Variants in ALPK3 observed in about 807,000 individuals in gnomAD.
ALPK3 encodes the protein alpha-protein kinase 3.
Under a neutral mutation model 140.0 loss-of-function variants are expected in ALPK3, and 102 were observed. The observed-to-expected ratio is 0.73, with a 90% CI of 0.62 to 0.86. The LOEUF (loss-of-function observed/expected upper bound fraction) is 0.86. Among genes scored for constraint, ALPK3 ranks in the 40% least tolerant of loss-of-function variants. The pLI is 0.00. For missense variants in ALPK3, 2,254 were observed against 2,208.2 expected, an observed-to-expected ratio of 1.02 and a Z score of -0.42; for synonymous variants, 938 against 898.5, an observed-to-expected ratio of 1.04 and a Z score of -0.79.
chr15:84,829,577 G>T (rs1409441993), intron 3 of ALPK3, among the ~76,000 whole-genome samples: 1 of 152,176 alleles, frequency 6.6e-6, no homozygotes, highest in Non-Finnish European at 1.5e-5. Context: ...AGGAAGCGGT[G>T]TTGCTCCTAA....
chr15:84,857,411 C>G lies in ALPK3; in HGVS notation c.2673C>G (p.His891Gln). The G allele has an allele frequency of 6.2e-7, 1 of 1,614,090 alleles. No individual in the cohort carries two copies. The highest frequency in any genetic ancestry group is 8.5e-7 in the Non-Finnish European group (1 of 1,180,030). ...CGTGTAGCACCCCGACTTCTCAGCACGGGAGCACAGCCACCTTCCTGCCCT... is the reference window on the plus strand; with the variant it reads ...CGTGTAGCACCCCGACTTCTCAGCAGGGGAGCACAGCCACCTTCCTGCCCT... ...AGPCSTPTSQ[H>Q]GSTATFLPSE... Residue 891 changes from histidine (H) to glutamine (Q), a missense_variant, in exon 6 of 14, where the codon CAC (histidine) becomes CAG (glutamine). By Grantham distance (24) the His-to-Gln change is conservative. Around this residue, in one of 3 missense-constraint regions of ALPK3, gnomAD observed 2,088 missense variants for 2,022.9 expected, o/e 1.03. Transcript: ENST00000258888.
chr15:84,838,702 C>G (rs891844632), intron 3 of ALPK3, among the ~76,000 whole-genome samples: 3 of 151,186 alleles, frequency 2.0e-5, no homozygotes, highest in Admixed American at 2.0e-4. Flanking sequence ...TCACTGCAAC[C>G]TCGGACTCCT....
chr15:84,863,782 T>C (rs1963974862), intron 11 of ALPK3, 142 bp downstream of exon 11: 1 of 758,036 alleles, frequency 1.3e-6, no homozygotes, highest in Non-Finnish European at 2.0e-6. Flanking sequence ...CTCAGCTCAG[T>C]GGCCTCACAA....
At chr15:84,827,154 A>C (rs938509699) in intron 2 of ALPK3, among the ~76,000 whole-genome samples, 3 of 152,132 alleles carry the variant, frequency 2.0e-5, no homozygotes, top group Non-Finnish European at 4.4e-5. Context: ...GTCCCTGGAG[A>C]TGAAAGGTGC....
intron 12 of ALPK3, among the ~76,000 whole-genome samples, chr15:84,864,891 G>C (rs1290002150): frequency 2.6e-5 from 4 of 152,106 alleles, no homozygotes; most frequent in Non-Finnish European, 5.9e-5. Flanking sequence ...GCATTTAAAG[G>C]AGCACAGTCC....
chr15:84,818,534 G>T (rs1963387154), intron 1 of ALPK3, among the ~76,000 whole-genome samples: 1 of 152,210 alleles, frequency 6.6e-6, no homozygotes, highest in African/African-American at 2.4e-5. Context: ...CTGAGAACTT[G>T]ACTTGTGTAT....
At position 84,873,226 on chromosome 15, in the gene ALPK3, G is replaced by A. The variant is rs984320317; in HGVS notation, c.*4770G>A. On this transcript the variant is annotated 3_prime_UTR_variant, in exon 14 of 14. Coordinates refer to ENST00000258888, the MANE Select transcript of ALPK3 (RefSeq NM_020778.5). ...ATCTTCTGGGTCCTGCCAGAGGGCA[G>A]TGAGGGGGTTGATGGGCTGGGTGCA... 6.6e-6 allele frequency: 1 copy of A among 152,226 alleles called. No individual in the cohort carries two copies. The highest frequency in any genetic ancestry group is 1.5e-5 in the Non-Finnish European group (1 of 68,036). 9.4% of individuals were successfully genotyped at this position (152,226 alleles called of 1,614,324 possible).
At chr15:84,855,921 T>C (rs1365494472) in intron 5 of ALPK3, among the ~76,000 whole-genome samples, 1 of 152,234 alleles carries the variant, frequency 6.6e-6, no homozygotes, top group Non-Finnish European at 1.5e-5. Flanking sequence ...TACTGGTGGA[T>C]GCTGTCACTG....
At chr15:84,854,253 A>G (rs1234824491) in intron 5 of ALPK3, among the ~76,000 whole-genome samples, 1 of 117,160 alleles carries the variant, frequency 8.5e-6, no homozygotes, top group African/African-American at 3.0e-5. Context: ...ATGATGAAAA[A>G]TGATACAGTG....
At chr15:84,822,673 A>G (rs1963440867) in intron 1 of ALPK3, among the ~76,000 whole-genome samples, 1 of 152,190 alleles carries the variant, frequency 6.6e-6, no homozygotes, top group Non-Finnish European at 1.5e-5. Flanking sequence ...CTAGTGCCCT[A>G]CACAGTGGCC....
At position 84,868,460 on chromosome 15, in the gene ALPK3, C is replaced by T. The variant is rs560395230; in HGVS notation, c.*4C>T. 1.2e-6 allele frequency: 2 copies of T among 1,602,606 alleles called. No homozygotes were observed. The highest frequency in any genetic ancestry group is 1.7e-5 in the Admixed American group (1 of 59,698). ...CAAGGCCCAGGGCATGCGGTAGCCT[C>T]CGCAGAGGCTGGGGGCCTCCACCCA... On this transcript the variant is annotated 3_prime_UTR_variant, in exon 14 of 14. Transcript: ENST00000258888.
At chr15:84,839,143 C>A in intron 4 of ALPK3, 46 bp downstream of exon 4, 1 of 1,491,156 alleles carries the variant, frequency 6.7e-7, no homozygotes. Context: ...TCCCGAGGGC[C>A]CTCTGGCTGG....
chr15:84,823,950 C>T, intron 2 of ALPK3, among the ~76,000 whole-genome samples: 1 of 152,224 alleles, frequency 6.6e-6, no homozygotes, highest in East Asian at 1.9e-4. Flanking sequence ...TCCAAGGGAT[C>T]CTCCTGCCTT....
At chr15:84,856,319 C>G in intron 5 of ALPK3, 73 bp from the exon 6 acceptor site, 1 of 1,528,200 alleles carries the variant, frequency 6.5e-7, no homozygotes, top group South Asian at 1.3e-5. Context: ...TCCGAGGAGA[C>G]TGGGATGCCA....
At chr15:84,867,516 C>A in intron 13 of ALPK3, 151 bp downstream of exon 13, 1 of 840,744 alleles carries the variant, frequency 1.2e-6, no homozygotes, top group South Asian at 1.5e-5. Flanking sequence ...ATCCTAGGGG[C>A]TACTGGTCCC....
rs1963894924 is a variant in ALPK3, at chr15:84,858,316, C to T, written c.3578C>T (p.Pro1193Leu). The T allele has an allele frequency of 6.4e-7, 1 of 1,564,690 alleles. No homozygotes were observed. The highest frequency in any genetic ancestry group is 8.7e-7 in the Non-Finnish European group (1 of 1,154,908). ...PEERESPTVS[P>L]RGPRKSLVPG... ...GAAAGGGAGAGCCCCACGGTTTCCC[C>T]CCGGGGGCCCAGGAAAAGCCTGGTG... The change falls in exon 6 of 14, where the codon CCC becomes CTC. Residue 1193 changes from proline to leucine, a missense_variant. Around this residue, in one of 3 missense-constraint regions of ALPK3, gnomAD observed 2,088 missense variants for 2,022.9 expected, o/e 1.03. Coordinates refer to ENST00000258888, the MANE Select transcript of ALPK3 (RefSeq NM_020778.5).
intron 3 of ALPK3, among the ~76,000 whole-genome samples, chr15:84,836,672 T>C (rs1434759133): frequency 6.6e-6 from 1 of 152,220 alleles, no homozygotes; most frequent in African/African-American, 2.4e-5. Context: ...ATGGTAAGCT[T>C]GATACCTCTT....
At chr15:84,852,983 T>C (rs1963822020) in intron 5 of ALPK3, among the ~76,000 whole-genome samples, 1 of 152,116 alleles carries the variant, frequency 6.6e-6, no homozygotes, top group South Asian at 2.1e-4. Flanking sequence ...CAGTTGGCAG[T>C]GGAGATGAAG....
intron 13 of ALPK3, among the ~76,000 whole-genome samples, 183 bp downstream of exon 13, chr15:84,867,548 T>G (rs1964015289): frequency 6.6e-6 from 1 of 151,968 alleles, no homozygotes; most frequent in Non-Finnish European, 1.5e-5. Flanking sequence ...TCTGGCCTGG[T>G]GTGGCAGCTA....
Sources: gnomAD v4.1 joint callset for allele counts (sites outside exome capture counted in the v4.1 genomes callset) on GRCh38, gnomAD v4.1.1 for gene constraint, gnomAD v4.1.1 regional missense constraint, MANE v1.5 for transcripts, NCBI Gene and HGNC (gene_info 2026-07-23, HGNC 2026-07-21) for gene names.